The following KCNIP1 variants were observed in gnomAD, a reference collection of about 807,000 sequenced individuals.
KCNIP1 encodes the protein A-type potassium channel modulatory protein KCNIP1.
A neutral mutation model predicts 33.0 loss-of-function variants in KCNIP1; 18 were observed. That is an observed-to-expected ratio of 0.55 (90% CI 0.38 to 0.81). The LOEUF (loss-of-function observed/expected upper bound fraction) is 0.81. Among genes scored for constraint, KCNIP1 ranks in the 30% least tolerant of loss-of-function variants. The pLI is 0.00. For synonymous variants in KCNIP1, 93 were observed against 98.3 expected (o/e 0.95, Z 0.32); for missense variants, 238 against 271.6 (o/e 0.88, Z 0.87).
At chr5:170,354,008 C>G (rs777238425) in intron 1 of KCNIP1, 4 of 1,559,700 alleles carry the variant, frequency 2.6e-6, no homozygotes, top group Admixed American at 1.7e-5. Flanking sequence ...CTTGATATGG[C>G]CTGGCTGGTC....
chr5:170,711,495 A>G (rs1199089809), intron 1 of KCNIP1, among the ~76,000 whole-genome samples: 1 of 152,226 alleles, frequency 6.6e-6, no homozygotes, highest in Admixed American at 6.5e-5. Context: ...ACATGACGTC[A>G]TGCATTTGTC....
chr5:170,582,306 G>C (rs753767685), intron 1 of KCNIP1, among the ~76,000 whole-genome samples: 3 of 152,220 alleles, frequency 2.0e-5, no homozygotes, highest in Non-Finnish European at 4.4e-5. Context: ...TATACTTGTT[G>C]AGTAGTCCTG....
chr5:170,578,861 G>GTCATGAAGAGAGATTGGGAGCGTAAGAT (rs1757694652), intron 1 of KCNIP1, among the ~76,000 whole-genome samples: 1 of 152,188 alleles, frequency 6.6e-6, no homozygotes, highest in South Asian at 2.1e-4. Flanking sequence ...GAAAGAGACA[G>GTCATGAAGAGAGATTGGGAGCGTAAGAT]TCATGAAGAG....
At chr5:170,706,613 G>A (rs1763263545) in intron 1 of KCNIP1, among the ~76,000 whole-genome samples, 1 of 152,196 alleles carries the variant, frequency 6.6e-6, no homozygotes, top group South Asian at 2.1e-4. Flanking sequence ...AAGATACACT[G>A]TTCACATCTT....
rs369523099 is a variant in KCNIP1, at chr5:170,722,696, C to T, written c.328-17C>T. 2 of 1,551,228 alleles carry T rather than the reference C, an allele frequency of 1.3e-6. No individual in the cohort carries two copies. The highest frequency in any genetic ancestry group is 1.8e-6 in the Non-Finnish European group (2 of 1,122,998). On this transcript the variant is annotated splice_polypyrimidine_tract_variant and intron_variant, in intron 4 of 7. Transcript: ENST00000328939. ...TGGCTTGATGGTTAATGTCACTCTG[C>T]CTTTTCCCCTTCTCAGGACTTTGTA...
At chr5:170,490,831 T>A (rs1203525102) in intron 1 of KCNIP1, among the ~76,000 whole-genome samples, 1 of 152,166 alleles carries the variant, frequency 6.6e-6, no homozygotes, top group African/African-American at 2.4e-5. Context: ...TCTCTGCACC[T>A]TGAGCACACC....
intron 1 of KCNIP1, among the ~76,000 whole-genome samples, chr5:170,574,920 G>A (rs1370909642): frequency 2.0e-5 from 3 of 152,210 alleles, no homozygotes; most frequent in African/African-American, 7.2e-5. Flanking sequence ...CTCTGCCAGG[G>A]TTTGTTGTTT....
At chr5:170,496,279 AT>A (rs1757309390) in intron 1 of KCNIP1, among the ~76,000 whole-genome samples, 1 of 152,200 alleles carries the variant, frequency 6.6e-6, no homozygotes, top group Non-Finnish European at 1.5e-5. Flanking sequence ...CATCTCTCCT[AT>A]CTCTGAGTCC....
At chr5:170,466,178 TAG>T (rs1387992889) in intron 1 of KCNIP1, among the ~76,000 whole-genome samples, 1 of 151,814 alleles carries the variant, frequency 6.6e-6, no homozygotes, top group African/African-American at 2.4e-5. Context: ...ATGCATGGGG[TAG>T]AGAGAGAGAA....
intron 1 of KCNIP1, among the ~76,000 whole-genome samples, chr5:170,534,892 C>T (rs1755920065): frequency 6.6e-6 from 1 of 151,882 alleles, no homozygotes; most frequent in African/African-American, 2.4e-5. Flanking sequence ...GAGTTGAGGC[C>T]CGGGAGACTT....
chr5:170,514,143 C>G (rs989594378), intron 1 of KCNIP1, among the ~76,000 whole-genome samples: 1 of 152,146 alleles, frequency 6.6e-6, no homozygotes, highest in Non-Finnish European at 1.5e-5. Flanking sequence ...AGCTAGTTTC[C>G]CAACTCCCAG....
chr5:170,401,631 G>A (rs553456135), intron 1 of KCNIP1, among the ~76,000 whole-genome samples: 31 of 152,024 alleles, frequency 2.0e-4, no homozygotes, highest in Middle Eastern at 3.4e-3. Flanking sequence ...GCATGGTGGC[G>A]CATGCCTGTG....
intron 1 of KCNIP1, among the ~76,000 whole-genome samples, chr5:170,533,550 G>A (rs756251178): frequency 5.9e-5 from 9 of 152,148 alleles, no homozygotes; most frequent in Non-Finnish European, 8.8e-5. Context: ...CACAGTGCCT[G>A]GAACTTGGGA....
At chr5:170,496,728 A>G (rs888934) in intron 1 of KCNIP1, among the ~76,000 whole-genome samples, 136,333 of 152,166 alleles carry the variant, frequency 0.9, 61,146 homozygotes, top group Non-Finnish European at 0.92. Flanking sequence ...TAACCACAGC[A>G]TCTGTCTCCA....
chr5:170,433,964 C>T lies in KCNIP1; in HGVS notation c.88+80000C>T, dbSNP rs1032946816. ...GAGGGGCCTCCTGCTCACTTTAGCT[C>T]CCATTTCCCAGCCTGACTGCCTTGA... On this transcript the variant is annotated intron_variant, in intron 1 of 7. Transcript: ENST00000377360. Among the ~76,000 whole-genome samples the T allele has an allele frequency of 1.3e-4, 20 of 152,262 alleles. No individual in the cohort carries two copies. The Middle Eastern group carries it at 0.01, about 78-fold the overall frequency.
At chr5:170,354,522 C>G (rs1428819523) in intron 1 of KCNIP1, among the ~76,000 whole-genome samples, 57 of 152,204 alleles carry the variant, frequency 3.7e-4, no homozygotes, top group Admixed American at 3.7e-3. Flanking sequence ...ATTCATCGTT[C>G]TGCTTTCTTG....
At chr5:170,578,995 G>A (rs1317049611) in intron 1 of KCNIP1, among the ~76,000 whole-genome samples, 1 of 152,168 alleles carries the variant, frequency 6.6e-6, no homozygotes, top group Admixed American at 6.5e-5. Flanking sequence ...GAGTTATCTG[G>A]AAAATGGCAG....
intron 1 of KCNIP1, among the ~76,000 whole-genome samples, chr5:170,620,935 T>C (rs561725277): frequency 6.6e-6 from 1 of 152,256 alleles, no homozygotes; most frequent in East Asian, 1.9e-4. Context: ...GCTTCCAGGA[T>C]CCTTCCATCT....
At chr5:170,677,699 T>C (rs1762197582) in intron 1 of KCNIP1, among the ~76,000 whole-genome samples, 1 of 152,128 alleles carries the variant, frequency 6.6e-6, no homozygotes, top group African/African-American at 2.4e-5. Context: ...AAAAGTCAGG[T>C]ATCTGCTCCA....
Sources: allele counts gnomAD v4.1 joint callset (sites outside exome capture counted in the v4.1 genomes callset), GRCh38; gene constraint gnomAD v4.1.1; transcripts MANE v1.5; gene names NCBI Gene and HGNC (gene_info 2026-07-23, HGNC 2026-07-21).